The following CLN6 variants were observed in gnomAD, a reference collection of about 807,000 sequenced individuals.
The protein encoded by CLN6 is ceroid-lipofuscinosis neuronal protein 6.
A neutral mutation model predicts 33.3 loss-of-function variants in CLN6; 22 were observed. The ratio of observed to expected loss-of-function variants is 0.66; its 90% CI spans 0.47 to 0.94. The LOEUF (loss-of-function observed/expected upper bound fraction) is 0.94, where lower values mean the gene tolerates loss of function less well. CLN6 is among the 40% of genes least tolerant of loss of function. The probability of loss-of-function intolerance (pLI) is 0.00; values close to 1 mark genes in which losing one functional copy is unlikely to be tolerated. For synonymous variants in CLN6, 201 were observed against 174.6 expected, an observed-to-expected ratio of 1.15 and a Z score of -1.19; for missense variants, 387 against 417.1, an observed-to-expected ratio of 0.93 and a Z score of 0.63.
At position 68,211,824 on chromosome 15, in the gene CLN6, TGATGGAGCGTGGCAGGGTGCGGGGG is replaced by T; in HGVS notation, c.312_336del (p.Pro105ArgfsTer3). ...ATGAAGATGATGATGCTCACGTACG[TGATGGAGCGTGGCAGGGTGCGGGGG>T]GACCGCTCGATGAGCTGGGGTTCAG... On this transcript the variant is annotated frameshift_variant, in exon 4 of 7. Transcript: ENST00000249806. LOFTEE classifies it high-confidence loss of function. The surrounding 1 kb of genome is among the most constrained non-coding windows in gnomAD (Gnocchi z 5.9). 1 of 1,613,692 alleles carries T rather than the reference TGATGGAGCGTGGCAGGGTGCGGGGG, an allele frequency of 6.2e-7. No individual in the cohort carries two copies. Among genetic ancestry groups the T allele is most frequent in the Non-Finnish European group, 8.5e-7 (1 of 1,179,962 alleles).
intron 1 of CLN6, among the ~76,000 whole-genome samples, chr15:68,252,637 A>G (rs1892392485): frequency 6.6e-6 from 1 of 152,250 alleles, no homozygotes; most frequent in Non-Finnish European, 1.5e-5. Context: ...TATTCAGTGC[A>G]GTACTATTTA....
intron 1 of CLN6, among the ~76,000 whole-genome samples, chr15:68,222,213 G>A (rs187620210): frequency 2.1e-4 from 30 of 142,864 alleles, no homozygotes; most frequent in Non-Finnish European, 3.8e-4. Flanking sequence ...CTGCCCAGCC[G>A]CCCCGTCTGG....
At chr15:68,217,023 T>C (rs1368933216) in intron 2 of CLN6, among the ~76,000 whole-genome samples, 1 of 152,222 alleles carries the variant, frequency 6.6e-6, no homozygotes, top group Non-Finnish European at 1.5e-5. Context: ...AGCAATAGTG[T>C]TGATATGAGA....
rs865972073 is a variant in CLN6, at chr15:68,229,692, C to A, written c.-108G>T. 3 of 907,748 alleles carry A rather than the reference C, an allele frequency of 3.3e-6. No individual in the cohort carries two copies. Among genetic ancestry groups the A allele is most frequent in the South Asian group, 2.8e-5 (1 of 36,026 alleles). The allele number at this position is 907,748 out of a possible 1,614,324, so 56.2% of individuals were successfully genotyped here. A position where few individuals can be genotyped will look rare whatever the true frequency, so the allele number is the denominator to read the frequency against. On this transcript the variant is annotated 5_prime_UTR_variant, in exon 1 of 7. Transcript: ENST00000249806. ...ATTCCCAGCGCGGGGCGGTTCGGGGCGGGCCGGCGAGAGCGCGCGGCCCTC... is the reference window on the plus strand; with the variant it reads ...ATTCCCAGCGCGGGGCGGTTCGGGGAGGGCCGGCGAGAGCGCGCGGCCCTC...
In CLN6 at chr15:68,229,680, G is replaced by T; in HGVS notation, c.-96C>A. 2.0e-6 allele frequency: 2 copies of T among 993,354 alleles called. No individual in the cohort carries two copies. Among genetic ancestry groups the T allele is most frequent in the South Asian group, 2.4e-5 (1 of 41,698 alleles). The allele number at this position is 993,354 out of a possible 1,614,324, so 61.5% of individuals were successfully genotyped here. A position where few individuals can be genotyped will look rare whatever the true frequency, so the allele number is the denominator to read the frequency against. ...AGGCCGCCGCAAATTCCCAGCGCGGGGCGGTTCGGGGCGGGCCGGCGAGAG... is the reference window on the plus strand; with the variant it reads ...AGGCCGCCGCAAATTCCCAGCGCGGTGCGGTTCGGGGCGGGCCGGCGAGAG... On this transcript the variant is annotated 5_prime_UTR_variant, in exon 1 of 7. Transcript: ENST00000249806.
chr15:68,215,300 T>C (rs1468316159), intron 2 of CLN6: 1 of 152,210 alleles, frequency 6.6e-6, no homozygotes, highest in East Asian at 1.9e-4. Context: ...AGTGTGCATG[T>C]GTTTATCTGC....
intron 1 of CLN6, among the ~76,000 whole-genome samples, chr15:68,255,796 T>G (rs1487683090): frequency 6.6e-6 from 1 of 152,232 alleles, no homozygotes; most frequent in Non-Finnish European, 1.5e-5. Flanking sequence ...TCTTTTTACT[T>G]TTTCTTTCTT....
At chr15:68,237,235 C>CT (rs1004967200) in intron 1 of CLN6, among the ~76,000 whole-genome samples, 3 of 147,390 alleles carry the variant, frequency 2.0e-5, no homozygotes, top group Non-Finnish European at 4.5e-5. Flanking sequence ...AATCCTAGCA[C>CT]TTTGGGAGGC....
At position 68,208,097 on chromosome 15, in the gene CLN6, C is replaced by CCCCCCCCCCCCCCCCCCA; in HGVS notation, c.*42_*43insTGGGGGGGGGGGGGGGGG. ...CTGTATTCAGATGCCCTCCATGGCC[C>CCCCCCCCCCCCCCCCCCA]ACCCTCCCACCCAGCAGAGCGCCAG... is the stretch of plus-strand genomic sequence containing the variant. On this transcript the variant is annotated 3_prime_UTR_variant, in exon 7 of 7. Transcript: ENST00000249806. The surrounding 1 kb of genome is among the most constrained non-coding windows in gnomAD (Gnocchi z 5.8). 1 of 1,320,504 alleles carries CCCCCCCCCCCCCCCCCCA rather than the reference C, an allele frequency of 7.6e-7. No individual in the cohort carries two copies. Among genetic ancestry groups the CCCCCCCCCCCCCCCCCCA allele is most frequent in the Non-Finnish European group, 1.1e-6 (1 of 940,832 alleles). The allele number at this position is 1,320,504 out of a possible 1,614,324, so 81.8% of individuals were successfully genotyped here. A position where few individuals can be genotyped will look rare whatever the true frequency, so the allele number is the denominator to read the frequency against.
chr15:68,218,598 C>T lies in CLN6; in HGVS notation c.136G>A (p.Asp46Asn), dbSNP rs147623032. The change falls in exon 2 of 7, where the codon GAC becomes AAC. Residue 46 changes from aspartate (D) to asparagine (N), a missense_variant. Coordinates refer to ENST00000249806, the MANE Select transcript of CLN6 (RefSeq NM_017882.3). ...EAARTAPFHL[D>N]LWFYFTLQNW... The stretch of plus-strand genomic sequence containing the variant: ...TGCAGTGTGAAGTAGAACCAGAGGT[C>T]GAGGTGGAAGGGAGCCGTGCGGGCA... 66 of 1,613,762 alleles carry T rather than the reference C, an allele frequency of 4.1e-5. No homozygotes were observed. Among genetic ancestry groups the T allele is most frequent in the East Asian group, 8.9e-5 (4 of 44,886 alleles).
chr15:68,245,032 C>CAA (rs34008952), intron 1 of CLN6, among the ~76,000 whole-genome samples: 1,255 of 100,992 alleles, frequency 0.012, 85 homozygotes, highest in Admixed American at 0.077. Flanking sequence ...AAGACTCTGA[C>CAA]AAAAAAAAAA....
chr15:68,209,891 C>G lies in CLN6; in HGVS notation c.543-132G>C. On this transcript the variant is annotated intron_variant, in intron 5 of 6. Transcript: ENST00000249806. This position sits in a 1 kb window ranked among gnomAD's most constrained non-coding sequence, Gnocchi z 4.9. ...CAAAACGCCTAGCCTGGGTGAGAGGCGCTCCTCTCCACCCAACCTTGCCTG... is the reference window on the plus strand; with the variant it reads ...CAAAACGCCTAGCCTGGGTGAGAGGGGCTCCTCTCCACCCAACCTTGCCTG... 1 of 1,235,328 alleles carries G rather than the reference C, an allele frequency of 8.1e-7. No homozygotes were observed. The highest frequency in any genetic ancestry group is 1.2e-6 in the Non-Finnish European group (1 of 859,608). 76.5% of individuals were successfully genotyped at this position (1,235,328 alleles called of 1,614,324 possible). A position where few individuals can be genotyped will look rare whatever the true frequency, so the allele number is the denominator to read the frequency against.
In CLN6 at chr15:68,240,789, C is replaced by A. The variant is rs141697423; in HGVS notation, c.179+15901G>T. ...ACTTGAGGTTGGGAGTTCGAGACCA[C>A]CCTGGCCAACGTGGTGAAACCCTGT... On this transcript the variant is annotated intron_variant, in intron 1 of 6. Coordinates refer to the CLN6 transcript ENST00000538696. Among the ~76,000 whole-genome samples, 762 of 151,404 alleles carry A rather than the reference C, an allele frequency of 5.0e-3. 6 individuals are homozygous for A. The highest frequency in any genetic ancestry group is 0.018 in the African/African-American group (736 of 41,296).
chr15:68,252,244 G>C (rs1892389032), intron 1 of CLN6, among the ~76,000 whole-genome samples: 1 of 152,106 alleles, frequency 6.6e-6, no homozygotes, highest in South Asian at 2.1e-4. Flanking sequence ...AAAGTGCTGG[G>C]ATTACAGGCG....
rs2093196536 is a variant in CLN6 at position 68,209,000 on chromosome 15, C to T, written c.666-590G>A. On this transcript the variant is annotated intron_variant, in intron 6 of 6. Coordinates refer to ENST00000249806, the MANE Select transcript of CLN6 (RefSeq NM_017882.3). This position sits in a 1 kb window ranked among gnomAD's most constrained non-coding sequence, Gnocchi z 5.8. ...GAGAAGGGTCCAGTCCTGCCCCGAC[C>T]CTGTCCTTCCCATGATACCCACAAT... Among the ~76,000 whole-genome samples the T allele has an allele frequency of 6.6e-6, 1 of 152,190 alleles. No homozygotes were observed. Among genetic ancestry groups the T allele is most frequent in the Non-Finnish European group, 1.5e-5 (1 of 68,038 alleles).
intron 1 of CLN6, among the ~76,000 whole-genome samples, chr15:68,243,689 A>G (rs1430678513): frequency 6.7e-6 from 1 of 148,348 alleles, no homozygotes; most frequent in East Asian, 2.0e-4. Context: ...CAGGAGGCAG[A>G]GGTTGCAGTG....
At chr15:68,248,820 A>T (rs1418306899) in intron 1 of CLN6, among the ~76,000 whole-genome samples, 1 of 152,190 alleles carries the variant, frequency 6.6e-6, no homozygotes, top group Non-Finnish European at 1.5e-5. Flanking sequence ...TCAAGCTAAA[A>T]ATCTTCTGCA....
At chr15:68,231,380 G>GA (rs1396562147), upstream of CLN6, among the ~76,000 whole-genome samples, 2 of 152,228 alleles carry the variant, frequency 1.3e-5, no homozygotes, top group Admixed American at 1.3e-4. Flanking sequence ...TTGTAGCAGA[G>GA]AAAAACCTAG....
rs761782545 is a variant in CLN6 at position 68,211,650 on chromosome 15, G to A, written c.486+25C>T. ...ACAGACTGTGCTCCTAGGGCTTACA[G>A]GCAGGGAGCAGGAGGTGGCCTCACC... On this transcript the variant is annotated intron_variant, in intron 4 of 6. Transcript: ENST00000249806. The surrounding 1 kb of genome is among the most constrained non-coding windows in gnomAD (Gnocchi z 5.9). The A allele has an allele frequency of 2.5e-6, 4 of 1,612,488 alleles. No individual in the cohort carries two copies. In the South Asian group the frequency reaches 4.4e-5, roughly 18 times the overall value.
Sources: allele counts gnomAD v4.1 joint callset (sites outside exome capture counted in the v4.1 genomes callset), GRCh38; gene constraint gnomAD v4.1.1; non-coding constraint Gnocchi (gnomAD v3.1); transcripts MANE v1.5; gene names NCBI Gene and HGNC (gene_info 2026-07-23, HGNC 2026-07-21).